Variants in SAG observed in about 807,000 individuals in gnomAD.
SAG encodes the protein S-arrestin.
A neutral mutation model predicts 55.0 loss-of-function variants in SAG; 45 were observed. That is an observed-to-expected ratio of 0.82 (90% CI 0.64 to 1.05). The LOEUF (loss-of-function observed/expected upper bound fraction) is 1.05. Among genes scored for constraint, SAG ranks in the 50% least tolerant of loss-of-function variants. The pLI is 0.00. For synonymous variants in SAG, 189 were observed against 197.4 expected, an observed-to-expected ratio of 0.96 and a Z score of 0.36; for missense variants, 455 against 512.1, an observed-to-expected ratio of 0.89 and a Z score of 1.08.
chr2:233,343,721 A>G (rs1453797726), intron 14 of SAG: 1 of 1,210,890 alleles, frequency 8.3e-7, no homozygotes, highest in African/African-American at 1.6e-5. Context: ...ACGGGAAAGA[A>G]AAACAGATCT....
Position 233,316,112 on chromosome 2 carries a change from A to G in SAG, c.113A>G (p.His38Arg). Residue 38 changes from histidine to arginine, a missense_variant, in exon 3 of 16, where the codon CAT (histidine) becomes CGT (arginine). By Grantham distance (29) the His-to-Arg change is conservative (BLOSUM62 0). Coordinates refer to ENST00000409110, the MANE Select transcript of SAG (RefSeq NM_000541.5). ...CTGGGGAACAGAGACTACATAGACC[A>G]TGTCAGCCAAGTCCAGCCTGTGGGT... ...IYLGNRDYID[H>R]VSQVQPVDGV... The G allele has an allele frequency of 6.3e-7, 1 of 1,598,026 alleles. No homozygotes were observed. The highest frequency in any genetic ancestry group is 1.1e-5 in the South Asian group (1 of 88,540).
intron 7 of SAG, 124 bp downstream of exon 7, chr2:233,327,321 T>C: frequency 2.8e-6 from 2 of 713,478 alleles, no homozygotes; most frequent in Non-Finnish European, 2.5e-6. Context: ...GGGTACCATC[T>C]GCATGTGGGA....
chr2:233,342,446 T>G (rs1701133159), intron 14 of SAG, 120 bp downstream of exon 14: 2 of 793,022 alleles, frequency 2.5e-6, no homozygotes, highest in Non-Finnish European at 4.3e-6. Context: ...GTGTAAGAGA[T>G]TCCATGTGAT....
intron 10 of SAG, 95 bp from the exon 11 acceptor site, chr2:233,334,867 T>G: frequency 6.9e-7 from 1 of 1,452,696 alleles, no homozygotes; most frequent in Non-Finnish European, 9.6e-7. Flanking sequence ...CATCAGGGGA[T>G]GTGGATCCTG....
Position 233,328,466 on chromosome 2 carries a change from T to A in SAG, c.513-12T>A. The A allele has an allele frequency of 6.2e-7, 1 of 1,610,116 alleles. No homozygotes were observed. Among genetic ancestry groups the A allele is most frequent in the Non-Finnish European group, 8.5e-7 (1 of 1,176,868 alleles). The stretch of plus-strand genomic sequence containing the variant: ...TGCCAATCCCTGGCTTGTCTGTGGC[T>A]GTTTCCCACAGGAGCTCCGTGCGAT... On this transcript the variant is annotated splice_polypyrimidine_tract_variant and intron_variant, in intron 7 of 15. Transcript: ENST00000409110.
intron 2 of SAG, among the ~76,000 whole-genome samples, chr2:233,310,222 A>G (rs938290619): frequency 6.6e-6 from 1 of 152,218 alleles, no homozygotes; most frequent in Non-Finnish European, 1.5e-5. Flanking sequence ...GCTCAGCAAC[A>G]TCTAGTGCAA....
At chr2:233,327,002 T>C (rs1700579043) in intron 6 of SAG, 119 bp from the exon 7 acceptor site, 2 of 744,064 alleles carry the variant, frequency 2.7e-6, no homozygotes. Context: ...GAATAGGACA[T>C]GGCCAAGACA....
At chr2:233,312,923 G>A (rs564466297) in intron 2 of SAG, among the ~76,000 whole-genome samples, 1 of 152,302 alleles carries the variant, frequency 6.6e-6, no homozygotes, top group Non-Finnish European at 1.5e-5. Context: ...CACTTGCTGG[G>A]CTCCCAACCA....
intron 14 of SAG, chr2:233,344,649 T>TATGAGATAGAA (rs1172274367): frequency 6.6e-6 from 1 of 152,162 alleles, no homozygotes; most frequent in African/African-American, 2.4e-5. Context: ...TTTCTAGAGA[T>TATGAGATAGAA]ATGAGATAGA....
intron 12 of SAG, among the ~76,000 whole-genome samples, chr2:233,339,880 C>G (rs558896614): frequency 6.6e-6 from 1 of 151,984 alleles, no homozygotes; most frequent in East Asian, 1.9e-4. Flanking sequence ...CCAGGCTGGT[C>G]TCGAACTTCT....
At position 233,335,212 on chromosome 2, in the gene SAG, T is replaced by C. The variant is rs1574949185; in HGVS notation, c.944+113T>C. 5 of 1,372,158 alleles carry C rather than the reference T, an allele frequency of 3.6e-6. No individual in the cohort carries two copies. The East Asian group carries it at 1.2e-4, about 34-fold the overall frequency. The allele number at this position is 1,372,158 out of a possible 1,614,324, so 85.0% of individuals were successfully genotyped here. A position where few individuals can be genotyped will look rare whatever the true frequency, so the allele number is the denominator to read the frequency against. ...GGCACGCACGTGCAGCATGGTGGTC[T>C]GGCGTGTGTAGTGTGGAGTGCATAT... On this transcript the variant is annotated intron_variant, in intron 11 of 15. Coordinates refer to ENST00000409110, the MANE Select transcript of SAG (RefSeq NM_000541.5).
rs762682669 is a variant in SAG at position 233,340,648 on chromosome 2, G to A, written c.1046+170G>A. Among the ~76,000 whole-genome samples the A allele has an allele frequency of 7.2e-5, 11 of 152,030 alleles. No homozygotes were observed. The highest frequency in any genetic ancestry group is 1.3e-4 in the Non-Finnish European group (9 of 68,022). Reference sequence around the variant, plus strand: ...CATCACAGAACCGTGGCTCATAGGCGTTTCTTTGGGACCAGATTTCTTTGG... The same window carrying A: ...CATCACAGAACCGTGGCTCATAGGCATTTCTTTGGGACCAGATTTCTTTGG... On this transcript the variant is annotated intron_variant, in intron 13 of 15. Coordinates refer to ENST00000409110, the MANE Select transcript of SAG (RefSeq NM_000541.5). This position sits in a 1 kb window ranked among gnomAD's most constrained non-coding sequence, Gnocchi z 4.2.
At chr2:233,318,818 A>C (rs772903472) in intron 4 of SAG, 23 bp downstream of exon 4, 1 of 1,611,218 alleles carries the variant, frequency 6.2e-7, no homozygotes, top group Non-Finnish European at 8.5e-7. Context: ...CCCTTGTCTC[A>C]GGCTGGTTTC....
At chr2:233,321,300 G>A (rs1013200464) in intron 5 of SAG, among the ~76,000 whole-genome samples, 6 of 152,318 alleles carry the variant, frequency 3.9e-5, no homozygotes, top group Admixed American at 2.0e-4. Flanking sequence ...GCTACCAACG[G>A]TGCCAGCGTG....
chr2:233,338,874 A>G (rs762071241), intron 12 of SAG, 121 bp downstream of exon 12: 1 of 814,148 alleles, frequency 1.2e-6, no homozygotes, highest in Non-Finnish European at 2.2e-6. Flanking sequence ...TCTACCAAGG[A>G]TTACCAAGTA....
intron 14 of SAG, chr2:233,345,845 A>G (rs571523548): frequency 1.3e-5 from 2 of 153,184 alleles, no homozygotes; most frequent in East Asian, 3.8e-4. Flanking sequence ...ATTGTAAAGG[A>G]AGCAGTGATT....
At chr2:233,344,539 G>A (rs1044556007) in intron 14 of SAG, 1 of 152,106 alleles carries the variant, frequency 6.6e-6, no homozygotes, top group Non-Finnish European at 1.5e-5. Flanking sequence ...CCTTAACAGT[G>A]AACATATCAC....
intron 10 of SAG, chr2:233,332,644 C>A (rs1700802996): frequency 6.7e-6 from 1 of 149,520 alleles, no homozygotes. Context: ...AGCCCGCCAC[C>A]AAGCCCAGCT....
In SAG at chr2:233,318,786, GGAAA is replaced by G. The variant is rs1559435824; in HGVS notation, c.178_181del (p.Lys60CysfsTer5). ...GTTGGTTGATCCTGATCTTGTGAAG[GGAAA>G]GAAAGGTGAGATGAAGCCCCTTGTC... On this transcript the variant is annotated frameshift_variant, in exon 4 of 16. Transcript: ENST00000409110. LOFTEE classifies it high-confidence loss of function. 1 of 1,613,762 alleles carries G rather than the reference GGAAA, an allele frequency of 6.2e-7. No homozygotes were observed. Among genetic ancestry groups the G allele is most frequent in the Non-Finnish European group, 8.5e-7 (1 of 1,179,672 alleles).
Sources: allele counts gnomAD v4.1 joint callset (sites outside exome capture counted in the v4.1 genomes callset), GRCh38; gene constraint gnomAD v4.1.1; non-coding constraint Gnocchi (gnomAD v3.1); transcripts MANE v1.5; gene names NCBI Gene and HGNC (gene_info 2026-07-23, HGNC 2026-07-21).